Variants in MAP4K4 observed in about 807,000 individuals in gnomAD.
The protein encoded by MAP4K4 is mitogen-activated protein kinase kinase kinase kinase 4.
MAP4K4 carries 38 observed loss-of-function variants against 189.6 expected under a neutral mutation model. That is an observed-to-expected ratio of 0.20 (90% confidence interval 0.15 to 0.26). MAP4K4 has a LOEUF of 0.26. Among genes scored for constraint, MAP4K4 ranks in the 10% least tolerant of loss-of-function variants. The pLI, the probability that MAP4K4 is intolerant of heterozygous loss-of-function variation, is 1.00. For missense variants in MAP4K4, 1,054 were observed against 1,726.9 expected (o/e 0.61, Z 6.91); for synonymous variants, 610 against 624.3 (o/e 0.98, Z 0.34).
intron 2 of MAP4K4, among the ~76,000 whole-genome samples, chr2:101,735,296 AACTTCTGAC>A (rs1259161465): frequency 2.0e-5 from 3 of 152,074 alleles, no homozygotes; most frequent in African/African-American, 7.2e-5. Context: ...ACCTACAGTA[AACTTCTGAC>A]TAATCATTTT....
chr2:101,820,761 ACC>A (rs2096002791), intron 3 of MAP4K4, among the ~76,000 whole-genome samples: 1 of 152,032 alleles, frequency 6.6e-6, no homozygotes, highest in South Asian at 2.1e-4. Flanking sequence ...CCTCTCAGAA[ACC>A]CTCAGATACC....
At chr2:101,866,682 CA>C in intron 19 of MAP4K4, 103 bp downstream of exon 19, 1 of 1,389,708 alleles carries the variant, frequency 7.2e-7, no homozygotes. Flanking sequence ...CCACACGTCA[CA>C]AAACAATGTT....
chr2:101,702,435 G>T (rs1209157924), intron 2 of MAP4K4, among the ~76,000 whole-genome samples: 2 of 152,024 alleles, frequency 1.3e-5, no homozygotes, highest in Non-Finnish European at 2.9e-5. Flanking sequence ...CGGGTGTAGT[G>T]GGGGGTGCCT....
At chr2:101,877,236 G>A in intron 27 of MAP4K4, 90 bp downstream of exon 27, 3 of 1,305,692 alleles carry the variant, frequency 2.3e-6, no homozygotes, top group Non-Finnish European at 3.3e-6. Context: ...CTCATTCACT[G>A]ATGTACTGGC....
intron 6 of MAP4K4, 147 bp downstream of exon 6, chr2:101,829,741 T>C (rs2096533792): frequency 1.7e-6 from 1 of 604,476 alleles, no homozygotes; most frequent in Admixed American, 2.6e-5. Context: ...ACTGAGCATA[T>C]TACTTAGCTT....
chr2:101,716,731 A>G lies in MAP4K4; in HGVS notation c.123+18193A>G, dbSNP rs377322390. On this transcript the variant is annotated intron_variant, in intron 2 of 32. Coordinates refer to ENST00000324219, the Ensembl canonical transcript of MAP4K4. ...AGTGTGGTAGTGTGGTGGCTCTTCT[A>G]TCCATCTCTTCTAGGATCTCTCCGG... Among the ~76,000 whole-genome samples, 61 of 152,244 alleles carry G rather than the reference A, an allele frequency of 4.0e-4. No homozygotes were observed. In the South Asian group the frequency reaches 5.6e-3, roughly 14 times the overall value.
intron 2 of MAP4K4, among the ~76,000 whole-genome samples, chr2:101,774,216 C>T (rs569824204): frequency 6.6e-6 from 1 of 152,310 alleles, no homozygotes; most frequent in East Asian, 1.9e-4. Flanking sequence ...TCCTCGCCAG[C>T]ATTTTTGATT....
At chr2:101,802,532 A>G (rs982259804) in intron 3 of MAP4K4, among the ~76,000 whole-genome samples, 11 of 152,066 alleles carry the variant, frequency 7.2e-5, no homozygotes, top group Non-Finnish European at 1.3e-4. Context: ...GATCCCGCCC[A>G]GAGACCTGTC....
chr2:101,848,848 T>G (rs562685502), intron 12 of MAP4K4, among the ~76,000 whole-genome samples: 1 of 152,206 alleles, frequency 6.6e-6, no homozygotes, highest in Non-Finnish European at 1.5e-5. Context: ...TGCAACTCTT[T>G]TGGAGTTTGT....
At chr2:101,773,921 C>T (rs1263065516) in intron 2 of MAP4K4, among the ~76,000 whole-genome samples, 1 of 152,186 alleles carries the variant, frequency 6.6e-6, no homozygotes, top group East Asian at 1.9e-4. Context: ...GGATCTTATA[C>T]TCCATTGTGT....
intron 27 of MAP4K4, among the ~76,000 whole-genome samples, chr2:101,877,538 C>T (rs1453310749): frequency 2.7e-5 from 4 of 149,606 alleles, no homozygotes; most frequent in East Asian, 3.9e-4. Context: ...TGCAGTGGCG[C>T]GATCTTGGCT....
In MAP4K4 at chr2:101,812,930, A is replaced by G. The variant is rs1386524156; in HGVS notation, c.181-10998A>G. 3.3e-5 allele frequency among the ~76,000 whole-genome samples: 5 copies of G among 152,164 alleles called. No individual in the cohort carries two copies. The East Asian group carries it at 7.7e-4, about 23-fold the overall frequency. The stretch of plus-strand genomic sequence containing the variant: ...ATCACGAAGTCAGGAGATCGAGACC[A>G]TCCTGGCTAACACATGGTGAAACCC... On this transcript the variant is annotated intron_variant, in intron 3 of 32. Transcript: ENST00000324219.
chr2:101,734,300 T>C (rs984100238), intron 2 of MAP4K4, among the ~76,000 whole-genome samples: 2 of 152,236 alleles, frequency 1.3e-5, no homozygotes, highest in African/African-American at 4.8e-5. Flanking sequence ...TTTTGTCTTT[T>C]ACTGTGTAGA....
chr2:101,782,214 C>T (rs2087982463), intron 2 of MAP4K4, among the ~76,000 whole-genome samples: 1 of 152,184 alleles, frequency 6.6e-6, no homozygotes, highest in South Asian at 2.1e-4. Context: ...GCTAACGCAG[C>T]TATGCAAAAT....
At chr2:101,736,101 G>A (rs1290147641) in intron 2 of MAP4K4, among the ~76,000 whole-genome samples, 1 of 152,176 alleles carries the variant, frequency 6.6e-6, no homozygotes, top group Non-Finnish European at 1.5e-5. Flanking sequence ...AGCTGCTGCT[G>A]CAGTCAGAAT....
chr2:101,874,284 A>C, intron 26 of MAP4K4, 32 bp downstream of exon 26: 1 of 1,576,754 alleles, frequency 6.3e-7, no homozygotes, highest in East Asian at 2.3e-5. Context: ...CAACACTTTC[A>C]TTTTTGTTCT....
intron 26 of MAP4K4, among the ~76,000 whole-genome samples, chr2:101,875,746 A>G (rs1354483885): frequency 1.3e-5 from 2 of 152,204 alleles, no homozygotes; most frequent in Admixed American, 6.5e-5. Flanking sequence ...GGTGATTCTG[A>G]CAGTGAAGGT....
chr2:101,760,891 T>G (rs1255454821), intron 2 of MAP4K4, among the ~76,000 whole-genome samples: 1 of 152,118 alleles, frequency 6.6e-6, no homozygotes, highest in African/African-American at 2.4e-5. Context: ...TAATCCCAGC[T>G]ACTGGGGAGG....
At chr2:101,784,440 G>T (rs1224085593) in intron 2 of MAP4K4, among the ~76,000 whole-genome samples, 1 of 152,062 alleles carries the variant, frequency 6.6e-6, no homozygotes, top group Non-Finnish European at 1.5e-5. Context: ...GCATTAATAG[G>T]CTTCACTATT....
Sources: gnomAD v4.1 joint callset for allele counts (sites outside exome capture counted in the v4.1 genomes callset) on GRCh38, gnomAD v4.1.1 for gene constraint, MANE v1.5 for transcripts, NCBI Gene and HGNC (gene_info 2026-07-23, HGNC 2026-07-21) for gene names.